The following KCNMA1 variants were observed in gnomAD, a reference collection of about 807,000 sequenced individuals.
The protein encoded by KCNMA1 is potassium calcium-activated channel subfamily M alpha 1.
In KCNMA1, 29 loss-of-function variants were observed where a neutral mutation model predicts 140.0. That is an observed-to-expected ratio of 0.21 (90% CI 0.15 to 0.28). The LOEUF (loss-of-function observed/expected upper bound fraction) is 0.28. Among genes scored for constraint, KCNMA1 ranks in the 10% least tolerant of loss-of-function variants. The pLI, the probability that KCNMA1 is intolerant of heterozygous loss-of-function variation, is 1.00. For missense variants in KCNMA1, 880 were observed against 1,602.2 expected, an observed-to-expected ratio of 0.55 and a Z score of 7.70; for synonymous variants, 612 against 611.9, an observed-to-expected ratio of 1.00 and a Z score of 0.00.
chr10:77,260,145 C>T (rs902852649), intron 2 of KCNMA1, among the ~76,000 whole-genome samples: 26 of 152,168 alleles, frequency 1.7e-4, no homozygotes, highest in African/African-American at 5.1e-4. Context: ...AGAAGAGCAC[C>T]GCGGTGGTAG....
In KCNMA1 at chr10:77,624,120, C is replaced by G. The variant is rs557146677; in HGVS notation, c.378+13145G>C. Among the ~76,000 whole-genome samples the G allele has an allele frequency of 4.3e-3, 649 of 152,270 alleles. 3 individuals carry two copies. Among genetic ancestry groups the G allele is most frequent in the Non-Finnish European group, 7.0e-3 (474 of 68,026 alleles). Reference sequence around the variant, plus strand: ...CCTGCTTTCGGCAGCTGGAATGCTCCGTGGAACAGGGCTGAGATGAACGTT... The same window carrying G: ...CCTGCTTTCGGCAGCTGGAATGCTCGGTGGAACAGGGCTGAGATGAACGTT... On this transcript the variant is annotated intron_variant, in intron 1 of 27. Transcript: ENST00000286628.
chr10:76,888,473 G>A (rs1358643215), intron 27 of KCNMA1, among the ~76,000 whole-genome samples: 2 of 152,114 alleles, frequency 1.3e-5, no homozygotes, highest in Non-Finnish European at 2.9e-5. Flanking sequence ...AGCTCCCCAG[G>A]TGATTCTACT....
intron 1 of KCNMA1, chr10:77,498,888 G>A (rs1023736545): frequency 1.3e-5 from 2 of 152,186 alleles, no homozygotes; most frequent in African/African-American, 2.4e-5. Context: ...CACAGGCTCT[G>A]CTGTGAAACT....
intron 1 of KCNMA1, among the ~76,000 whole-genome samples, chr10:77,495,072 T>C (rs1376782003): frequency 6.6e-6 from 1 of 152,204 alleles, no homozygotes; most frequent in Non-Finnish European, 1.5e-5. Flanking sequence ...TAAGGTCACA[T>C]TCACAGGTAC....
intron 24 of KCNMA1, chr10:76,911,926 C>T (rs1170939770): frequency 1.3e-5 from 2 of 152,206 alleles, no homozygotes; most frequent in African/African-American, 4.8e-5. Context: ...CTCCGAAAAG[C>T]ACAGCATCTG....
At chr10:76,991,122 C>G (rs2082634920) in intron 19 of KCNMA1, among the ~76,000 whole-genome samples, 2 of 152,198 alleles carry the variant, frequency 1.3e-5, no homozygotes, top group Admixed American at 1.3e-4. Flanking sequence ...ATGCTGACAC[C>G]TCTCTAGCTA....
intron 1 of KCNMA1, among the ~76,000 whole-genome samples, chr10:77,491,919 A>G (rs895288021): frequency 1.3e-5 from 2 of 152,186 alleles, no homozygotes; most frequent in South Asian, 4.1e-4. Context: ...CCATAAACCC[A>G]TAGCCCTTAG....
At chr10:77,535,227 A>C (rs531025288) in intron 1 of KCNMA1, among the ~76,000 whole-genome samples, 12 of 152,330 alleles carry the variant, frequency 7.9e-5, no homozygotes, top group African/African-American at 2.9e-4. Flanking sequence ...CCAGGGCTCA[A>C]AAGTCAAAAG....
At chr10:76,904,595 C>T (rs1055006516) in intron 25 of KCNMA1, 1 of 151,848 alleles carries the variant, frequency 6.6e-6, no homozygotes. Context: ...AAAAAAACGA[C>T]AACACTCCCA....
At chr10:77,051,538 T>C (rs2095364416) in intron 14 of KCNMA1, among the ~76,000 whole-genome samples, 1 of 152,228 alleles carries the variant, frequency 6.6e-6, no homozygotes, top group South Asian at 2.1e-4. Context: ...CTCTGCAGTT[T>C]CTCAGAGTGG....
intron 2 of KCNMA1, among the ~76,000 whole-genome samples, chr10:77,286,497 C>G (rs2070894814): frequency 6.6e-6 from 1 of 152,198 alleles, no homozygotes; most frequent in Admixed American, 6.5e-5. Flanking sequence ...ATACCCATCT[C>G]TCACGTTGTT....
intron 1 of KCNMA1, among the ~76,000 whole-genome samples, chr10:77,598,283 T>G (rs1368627189): frequency 6.6e-6 from 1 of 152,208 alleles, no homozygotes; most frequent in African/African-American, 2.4e-5. Context: ...CTGTAAAATA[T>G]TTTAATCCCC....
intron 2 of KCNMA1, among the ~76,000 whole-genome samples, chr10:77,347,393 G>A (rs143268895): frequency 5.0e-4 from 76 of 152,324 alleles, no homozygotes; most frequent in African/African-American, 1.8e-3. Flanking sequence ...ACTTAGGATT[G>A]GAACTCAGGA....
intron 27 of KCNMA1, 82 bp from the exon 28 acceptor site, chr10:76,887,597 C>T: frequency 6.6e-7 from 1 of 1,521,474 alleles, no homozygotes. Context: ...AAGCAATGGC[C>T]TGGTTACTCA....
At chr10:77,224,571 ACACTCAGGACCC>A (rs753255468) in intron 3 of KCNMA1, among the ~76,000 whole-genome samples, 3 of 152,162 alleles carry the variant, frequency 2.0e-5, no homozygotes, top group Non-Finnish European at 4.4e-5. Flanking sequence ...CACCTTGGGA[ACACTCAGGACCC>A]CACTCAGGCA....
At chr10:77,128,480 T>A (rs950125857) in intron 5 of KCNMA1, among the ~76,000 whole-genome samples, 1 of 150,892 alleles carries the variant, frequency 6.6e-6, no homozygotes, top group African/African-American at 2.4e-5. Flanking sequence ...TACATTTAAA[T>A]CACCTGGGAA....
intron 1 of KCNMA1, among the ~76,000 whole-genome samples, chr10:77,546,877 T>G (rs2061567419): frequency 6.6e-6 from 1 of 152,204 alleles, no homozygotes; most frequent in African/African-American, 2.4e-5. Context: ...CTGTGCTTGG[T>G]GCTTTGTAAA....
At chr10:76,918,617 G>A (rs1178253957) in intron 23 of KCNMA1, among the ~76,000 whole-genome samples, 1 of 152,160 alleles carries the variant, frequency 6.6e-6, no homozygotes, top group East Asian at 1.9e-4. Flanking sequence ...GCGGTGAACA[G>A]AGAACACCTC....
Position 77,328,268 on chromosome 10 carries a change from A to G in KCNMA1, c.540+75594T>C, listed in dbSNP as rs559429718. Among the ~76,000 whole-genome samples the G allele has an allele frequency of 3.3e-5, 5 of 152,346 alleles. No individual in the cohort carries two copies. In the South Asian group the frequency reaches 1.0e-3, roughly 32 times the overall value. On this transcript the variant is annotated intron_variant, in intron 2 of 27. Transcript: ENST00000286628. ...CATTATCATTTAATGATGCTGAAGA[A>G]CAAGTAAGTGCTTATCACTTCCTTT...
Sources: allele counts gnomAD v4.1 joint callset (sites outside exome capture counted in the v4.1 genomes callset), GRCh38; gene constraint gnomAD v4.1.1; transcripts MANE v1.5; gene names NCBI Gene and HGNC (gene_info 2026-07-23, HGNC 2026-07-21).